The following PLCL2 variants were observed in gnomAD, a reference collection of about 807,000 sequenced individuals.
PLCL2 encodes phospholipase C like 2, also known as inactive phospholipase C-like protein 2.
PLCL2 carries 4 observed loss-of-function variants against 79.6 expected under a neutral mutation model. The observed-to-expected ratio is 0.05, with a 90% CI of 0.02 to 0.11. The LOEUF (loss-of-function observed/expected upper bound fraction) is 0.11. Among genes scored for constraint, PLCL2 ranks in the 10% least tolerant of loss-of-function variants. The pLI, the probability that PLCL2 is intolerant of heterozygous loss-of-function variation, is 1.00. For synonymous variants in PLCL2, 484 were observed against 457.7 expected, an observed-to-expected ratio of 1.06 and a Z score of -0.73; for missense variants, 895 against 1,291.0, an observed-to-expected ratio of 0.69 and a Z score of 4.70.
chr3:17,081,008 G>T (rs1191493324), intron 5 of PLCL2, among the ~76,000 whole-genome samples: 1 of 152,206 alleles, frequency 6.6e-6, no homozygotes, highest in African/African-American at 2.4e-5. Context: ...AGAGAGAAAG[G>T]TGTGTGTGTT....
intron 3 of PLCL2, among the ~76,000 whole-genome samples, chr3:17,031,963 A>G (rs886624859): frequency 7.2e-6 from 1 of 138,284 alleles, no homozygotes; most frequent in African/African-American, 2.7e-5. Context: ...TTTCCTATGA[A>G]TATCAAATTG....
At chr3:16,897,056 C>A (rs954453669) in intron 1 of PLCL2, among the ~76,000 whole-genome samples, 1 of 152,118 alleles carries the variant, frequency 6.6e-6, no homozygotes, top group African/African-American at 2.4e-5. Context: ...CTCCCGGAAT[C>A]CTGCAGATGA....
intron 4 of PLCL2, among the ~76,000 whole-genome samples, chr3:17,062,576 T>C (rs1477061344): frequency 6.6e-6 from 1 of 152,228 alleles, no homozygotes; most frequent in Non-Finnish European, 1.5e-5. Context: ...AGCCATACTT[T>C]ATTTGAGACT....
At chr3:16,924,857 G>C (rs114560556) in intron 1 of PLCL2, among the ~76,000 whole-genome samples, 1,889 of 152,196 alleles carry the variant, frequency 0.012, 34 homozygotes, top group African/African-American at 0.042. Context: ...TATACCTCTA[G>C]GTCAGGATTT....
At chr3:17,057,924 G>A (rs531611121) in intron 4 of PLCL2, among the ~76,000 whole-genome samples, 1 of 152,336 alleles carries the variant, frequency 6.6e-6, no homozygotes, top group African/African-American at 2.4e-5. Flanking sequence ...ACCAGGAGCT[G>A]GAGATTCCAC....
At chr3:17,047,727 T>C (rs141377254) in intron 4 of PLCL2, among the ~76,000 whole-genome samples, 17 of 152,362 alleles carry the variant, frequency 1.1e-4, no homozygotes, top group Non-Finnish European at 2.2e-4. Flanking sequence ...TGCTGCAGTT[T>C]AATGCAGTGA....
intron 1 of PLCL2, among the ~76,000 whole-genome samples, chr3:16,972,702 C>T (rs982522518): frequency 2.0e-5 from 3 of 152,000 alleles, no homozygotes; most frequent in African/African-American, 7.3e-5. Context: ...ATATTTAGGT[C>T]TCCTTGTTGA....
rs1406203102 is a variant in PLCL2 at position 17,067,937 on chromosome 3, TC to T, written c.3095-18del. 4.2e-6 allele frequency: 6 copies of T among 1,435,606 alleles called. No individual in the cohort carries two copies. Among genetic ancestry groups the T allele is most frequent in the Admixed American group, 1.8e-5 (1 of 57,048 alleles). 88.9% of individuals were successfully genotyped at this position (1,435,606 alleles called of 1,614,324 possible). A position where few individuals can be genotyped will look rare whatever the true frequency, so the allele number is the denominator to read the frequency against. The stretch of plus-strand genomic sequence containing the variant: ...ATTGGATGGGAGTTAATATACTTTG[TC>T]TTTTTTATTTCTTTCAGCCATGGAA... On this transcript the variant is annotated intron_variant, in intron 4 of 5. Transcript: ENST00000615277.
intron 1 of PLCL2, among the ~76,000 whole-genome samples, chr3:16,905,974 G>A (rs976325178): frequency 6.6e-6 from 1 of 152,170 alleles, no homozygotes; most frequent in Non-Finnish European, 1.5e-5. Context: ...GATCCACCTG[G>A]AGAGGCTTTT....
At chr3:16,978,244 T>C (rs1177355776) in intron 1 of PLCL2, among the ~76,000 whole-genome samples, 1 of 152,254 alleles carries the variant, frequency 6.6e-6, no homozygotes, top group Non-Finnish European at 1.5e-5. Flanking sequence ...CCCTTTTTAT[T>C]GTTGAGAGGT....
intron 5 of PLCL2, among the ~76,000 whole-genome samples, chr3:17,068,388 A>G (rs2065030426): frequency 6.6e-6 from 1 of 152,242 alleles, no homozygotes; most frequent in Non-Finnish European, 1.5e-5. Flanking sequence ...AATATTGATT[A>G]CAGAGGAATG....
chr3:17,001,484 C>T (rs1025591780), intron 1 of PLCL2, among the ~76,000 whole-genome samples: 6 of 152,072 alleles, frequency 3.9e-5, no homozygotes, highest in Admixed American at 1.3e-4. Context: ...TTCATAGTTT[C>T]AGGTCTTACA....
chr3:17,061,576 T>C (rs563318284), intron 4 of PLCL2, among the ~76,000 whole-genome samples: 2 of 152,240 alleles, frequency 1.3e-5, no homozygotes, highest in South Asian at 2.1e-4. Context: ...ATTTAAATTA[T>C]AAAGTATTTT....
intron 4 of PLCL2, 124 bp from the exon 5 acceptor site, chr3:17,067,832 A>T (rs2065024826): frequency 3.6e-6 from 2 of 561,234 alleles, no homozygotes; most frequent in Non-Finnish European, 6.3e-6. Flanking sequence ...TTAAATGGAC[A>T]CATTTATGAA....
Position 16,994,530 on chromosome 3 carries a change from C to T in PLCL2, c.328-15144C>T, listed in dbSNP as rs968493016. On this transcript the variant is annotated intron_variant, in intron 1 of 5. Coordinates refer to ENST00000615277, the MANE Select transcript of PLCL2 (RefSeq NM_001144382.2). Reference sequence around the variant, plus strand: ...CATATAACACCTCTAAGTAGAAAAGCAGTGGATTTGAGATTTGCTGGAATT... The same window carrying T: ...CATATAACACCTCTAAGTAGAAAAGTAGTGGATTTGAGATTTGCTGGAATT... 3.9e-5 allele frequency among the ~76,000 whole-genome samples: 6 copies of T among 152,272 alleles called. No homozygotes were observed. In the East Asian group the frequency reaches 1.2e-3, roughly 29 times the overall value.
intron 4 of PLCL2, among the ~76,000 whole-genome samples, chr3:17,056,371 A>T (rs1011632548): frequency 2.6e-5 from 4 of 152,136 alleles, no homozygotes; most frequent in African/African-American, 9.7e-5. Flanking sequence ...ATATAAAGTG[A>T]TTTGGCCCAG....
intron 1 of PLCL2, among the ~76,000 whole-genome samples, chr3:16,908,139 G>C (rs1295832618): frequency 6.6e-6 from 1 of 152,108 alleles, no homozygotes; most frequent in Non-Finnish European, 1.5e-5. Context: ...CAAATAGAGA[G>C]AATAGTATGA....
At chr3:16,897,480 C>G (rs1696510502) in intron 1 of PLCL2, among the ~76,000 whole-genome samples, 1 of 152,072 alleles carries the variant, frequency 6.6e-6, no homozygotes, top group African/African-American at 2.4e-5. Context: ...AGGAGCCTCC[C>G]TAGGAAAAAT....
chr3:16,939,815 A>G (rs144549634), intron 1 of PLCL2, among the ~76,000 whole-genome samples: 49 of 152,320 alleles, frequency 3.2e-4, no homozygotes, highest in Non-Finnish European at 6.0e-4. Context: ...CTACGAAGTA[A>G]CATATTTAGA....
Sources: gnomAD v4.1 joint callset for allele counts (sites outside exome capture counted in the v4.1 genomes callset) on GRCh38, gnomAD v4.1.1 for gene constraint, MANE v1.5 for transcripts, NCBI Gene and HGNC (gene_info 2026-07-23, HGNC 2026-07-21) for gene names.